SLC27A6: variants seen among roughly 807,000 people sequenced by gnomAD.
SLC27A6 encodes the protein solute carrier family 27 member 6.
SLC27A6 carries 74 observed loss-of-function variants against 63.9 expected under a neutral mutation model. That is an observed-to-expected ratio of 1.16 (90% CI 0.96 to 1.40). SLC27A6 has a LOEUF of 1.40. Ranked by LOEUF, SLC27A6 falls within the 40% of genes most tolerant of loss-of-function variation. The probability of loss-of-function intolerance (pLI) is 0.00; values close to 1 mark genes in which losing one functional copy is unlikely to be tolerated. For missense variants in SLC27A6, 794 were observed against 732.9 expected (o/e 1.08, Z -0.96); for synonymous variants, 287 against 260.8 (o/e 1.10, Z -0.97).
At position 129,015,955 on chromosome 5, in the gene SLC27A6, A is replaced by G; in HGVS notation, c.1040A>G (p.Glu347Gly). Reference protein sequence around the residue: ...GNGIRSDVWREFLDRFGNIKV... With the variant: ...GNGIRSDVWRGFLDRFGNIKV... Reference sequence around the variant, plus strand: ...GGCATACGGAGTGATGTATGGAGAGAATTTTTAGACAGATTTGGAAATATA... The same window carrying G: ...GGCATACGGAGTGATGTATGGAGAGGATTTTTAGACAGATTTGGAAATATA... The change falls in exon 5 of 10, where the codon GAA becomes GGA. Residue 347 changes from glutamate to glycine, a missense_variant. Physicochemically the swap from Glu to Gly is moderately conservative, Grantham distance 98 (BLOSUM62 -2). Transcript: ENST00000262462. 1 of 1,609,060 alleles carries G rather than the reference A, an allele frequency of 6.2e-7. No individual in the cohort carries two copies. Among genetic ancestry groups the G allele is most frequent in the Non-Finnish European group, 8.5e-7 (1 of 1,178,034 alleles).
chr5:128,969,796 C>G (rs1750067367), intron 1 of SLC27A6, among the ~76,000 whole-genome samples: 1 of 152,146 alleles, frequency 6.6e-6, no homozygotes, highest in East Asian at 1.9e-4. Context: ...ATTTCCAACA[C>G]TATGTTGAAT....
chr5:128,991,959 C>T (rs2150137396), intron 4 of SLC27A6, among the ~76,000 whole-genome samples: 1 of 151,624 alleles, frequency 6.6e-6, no homozygotes, highest in Non-Finnish European at 1.5e-5. Context: ...ATTTTCTAAA[C>T]ATTCTTGAGA....
chr5:128,995,390 C>G (rs1751123161), intron 4 of SLC27A6, among the ~76,000 whole-genome samples: 1 of 152,198 alleles, frequency 6.6e-6, no homozygotes, highest in Non-Finnish European at 1.5e-5. Context: ...ACAAATCAGA[C>G]TGCTTCTCTC....
At chr5:128,966,805 T>G (rs1170531100) in intron 1 of SLC27A6, among the ~76,000 whole-genome samples, 187 bp downstream of exon 1, 1 of 152,194 alleles carries the variant, frequency 6.6e-6, no homozygotes, top group East Asian at 1.9e-4. Context: ...GGCACGTAGT[T>G]TCAGAAAACT....
chr5:128,968,210 C>A (rs180833904), intron 1 of SLC27A6, among the ~76,000 whole-genome samples: 1 of 152,080 alleles, frequency 6.6e-6, no homozygotes, highest in Non-Finnish European at 1.5e-5. Context: ...AGAAAAGTGC[C>A]GCAATAAACA....
chr5:128,983,686 C>G (rs1750691859), intron 1 of SLC27A6, among the ~76,000 whole-genome samples: 1 of 152,100 alleles, frequency 6.6e-6, no homozygotes, highest in Non-Finnish European at 1.5e-5. Flanking sequence ...TAGAGTTAGT[C>G]TATGGTTAGA....
At chr5:129,019,070 C>T (rs1023266355) in intron 5 of SLC27A6, among the ~76,000 whole-genome samples, 1 of 151,980 alleles carries the variant, frequency 6.6e-6, no homozygotes, top group African/African-American at 2.4e-5. Flanking sequence ...GAAGCAGCCT[C>T]CAGAGATAAA....
intron 3 of SLC27A6, 45 bp from the exon 4 acceptor site, chr5:128,990,295 C>T (rs1194837108): frequency 1.5e-5 from 24 of 1,593,208 alleles, no homozygotes; most frequent in Non-Finnish European, 2.1e-5. Context: ...TTCATTCTGC[C>T]TTTGAATTTT....
At chr5:129,005,313 T>A (rs1020171009) in intron 4 of SLC27A6, among the ~76,000 whole-genome samples, 2 of 152,176 alleles carry the variant, frequency 1.3e-5, no homozygotes, top group Admixed American at 1.3e-4. Context: ...GAAGGAAACA[T>A]AAAAGGAAAA....
chr5:129,016,171 T>G (rs1260251040), intron 5 of SLC27A6, 92 bp downstream of exon 5: 18 of 856,870 alleles, frequency 2.1e-5, no homozygotes, highest in Non-Finnish European at 3.1e-5. Flanking sequence ...GGTGGGCAGA[T>G]CATGAGGTCA....
At chr5:129,031,161 C>A (rs78309386) in intron 9 of SLC27A6, among the ~76,000 whole-genome samples, 3,839 of 152,038 alleles carry the variant, frequency 0.025, 167 homozygotes, top group African/African-American at 0.086. Flanking sequence ...ATTTTAGGAT[C>A]CTTAAGCACC....
chr5:128,998,216 CA>C (rs1751224075), intron 4 of SLC27A6, among the ~76,000 whole-genome samples: 1 of 151,936 alleles, frequency 6.6e-6, no homozygotes, highest in South Asian at 2.1e-4. Flanking sequence ...CATTTGCACC[CA>C]GGAGTTTGAA....
intron 9 of SLC27A6, among the ~76,000 whole-genome samples, chr5:129,030,419 A>G (rs1298410633): frequency 6.6e-6 from 1 of 151,966 alleles, no homozygotes; most frequent in Non-Finnish European, 1.5e-5. Context: ...TTATTTCACT[A>G]ATAGACTCCT....
chr5:128,985,458 G>A, intron 2 of SLC27A6, 122 bp downstream of exon 2: 1 of 738,250 alleles, frequency 1.4e-6, no homozygotes, highest in Non-Finnish European at 2.3e-6. Context: ...GCAAGAAGAT[G>A]TAAGGATCTC....
At chr5:128,985,078 T>G (rs905268495) in intron 1 of SLC27A6, 55 bp from the exon 2 acceptor site, 6 of 1,302,804 alleles carry the variant, frequency 4.6e-6, no homozygotes, top group African/African-American at 1.5e-5. Flanking sequence ...AACTCCAAAG[T>G]GAATTGTTTG....
chr5:129,000,735 C>A (rs1171144599), intron 4 of SLC27A6, among the ~76,000 whole-genome samples: 1 of 152,126 alleles, frequency 6.6e-6, no homozygotes, highest in Non-Finnish European at 1.5e-5. Context: ...GAAAAATCAA[C>A]CTCCCTTCAC....
At chr5:129,004,159 G>A in intron 4 of SLC27A6, among the ~76,000 whole-genome samples, 1 of 151,980 alleles carries the variant, frequency 6.6e-6, no homozygotes, top group Admixed American at 6.6e-5. Context: ...TATTTGGATC[G>A]GTACATGAAT....
intron 1 of SLC27A6, among the ~76,000 whole-genome samples, chr5:128,971,795 T>A (rs1336336424): frequency 6.6e-6 from 1 of 152,196 alleles, no homozygotes; most frequent in Admixed American, 6.5e-5. Flanking sequence ...GTGAGTCTGA[T>A]CCTATCATTA....
rs572563525 is a variant in SLC27A6, at chr5:129,023,627, C to A, written c.1172C>A (p.Ser391Tyr). ...TGATTTTTTTTTTTGCAGCTTCTTT[C>A]CACTTTTGACTTAATAAAGTATGAC... ...GRTNLFYKLL[S>Y]TFDLIKYDFQ... The change falls in exon 6 of 10, where the codon TCC becomes TAC. Residue 391 changes from serine to tyrosine, a missense_variant. Ser to Tyr is a moderately radical substitution (Grantham distance 144, BLOSUM62 -2). Coordinates refer to ENST00000262462, the MANE Select transcript of SLC27A6 (RefSeq NM_001017372.3). 7 of 1,589,390 alleles carry A rather than the reference C, an allele frequency of 4.4e-6. No homozygotes were observed. In the East Asian group the frequency reaches 1.1e-4, roughly 26 times the overall value.
Sources: allele counts gnomAD v4.1 joint callset (sites outside exome capture counted in the v4.1 genomes callset), GRCh38; gene constraint gnomAD v4.1.1; transcripts MANE v1.5; gene names NCBI Gene and HGNC (gene_info 2026-07-23, HGNC 2026-07-21).